C1QTNF3: variants seen among roughly 807,000 people sequenced by gnomAD.
The protein encoded by C1QTNF3 is complement C1q tumor necrosis factor-related protein 3.
A neutral mutation model predicts 32.6 loss-of-function variants in C1QTNF3; 26 were observed. The ratio of observed to expected loss-of-function variants is 0.80; its 90% CI spans 0.58 to 1.11. The LOEUF (loss-of-function observed/expected upper bound fraction) is 1.11, where lower values mean the gene tolerates loss of function less well. Ranked by LOEUF, C1QTNF3 falls within the 50% of genes least tolerant of loss-of-function variation. C1QTNF3 has a pLI of 0.00. For missense variants in C1QTNF3, 362 were observed against 398.2 expected, an observed-to-expected ratio of 0.91 and a Z score of 0.77; for synonymous variants, 155 against 146.0, an observed-to-expected ratio of 1.06 and a Z score of -0.44.
the C1QTNF3 span, among the ~76,000 whole-genome samples, chr5:34,242,272 A>T: frequency 6.6e-6 from 1 of 152,212 alleles, no homozygotes; most frequent in Admixed American, 6.5e-5. Flanking sequence ...CAGCTATACT[A>T]TAAGTGTACA....
At chr5:34,172,364 A>T in the C1QTNF3 span, among the ~76,000 whole-genome samples, 1 of 140,606 alleles carries the variant, frequency 7.1e-6, no homozygotes, top group Non-Finnish European at 1.5e-5. Context: ...GTTGTTATAC[A>T]CTCACCTATT....
the C1QTNF3 span, among the ~76,000 whole-genome samples, chr5:34,077,246 T>C: frequency 6.6e-6 from 1 of 151,758 alleles, no homozygotes; most frequent in East Asian, 1.9e-4. Context: ...AACATCTGGC[T>C]TCTTATGTAA....
At chr5:34,085,049 G>C in the C1QTNF3 span, among the ~76,000 whole-genome samples, 1,005 of 139,172 alleles carry the variant, frequency 7.2e-3, no homozygotes, top group Non-Finnish European at 0.012. Context: ...GGAGTACAGT[G>C]GTGCAATCTC....
chr5:34,147,770 C>T, the C1QTNF3 span, among the ~76,000 whole-genome samples: 1 of 152,162 alleles, frequency 6.6e-6, no homozygotes, highest in Non-Finnish European at 1.5e-5. Context: ...CATCACACAA[C>T]AGATTCGTGT....
chr5:34,197,136 C>T, the C1QTNF3 span, among the ~76,000 whole-genome samples: 1 of 152,292 alleles, frequency 6.6e-6, no homozygotes, highest in Admixed American at 6.5e-5. Flanking sequence ...GTAAAACGTT[C>T]TTTAAAGAAC....
the C1QTNF3 span, among the ~76,000 whole-genome samples, chr5:34,226,210 C>T: frequency 2.6e-5 from 4 of 151,874 alleles, no homozygotes; most frequent in Non-Finnish European, 5.9e-5. Context: ...AAAAGCATTG[C>T]TCCTTCACCC....
At chr5:34,120,914 C>T in the C1QTNF3 span, among the ~76,000 whole-genome samples, 6 of 152,206 alleles carry the variant, frequency 3.9e-5, no homozygotes, top group Admixed American at 6.5e-5. Flanking sequence ...AATGAATGAG[C>T]ATGTGATTCC....
At chr5:34,177,959 C>G in the C1QTNF3 span, among the ~76,000 whole-genome samples, 1 of 151,952 alleles carries the variant, frequency 6.6e-6, no homozygotes, top group South Asian at 2.1e-4. Flanking sequence ...TAGACCCTCT[C>G]GAGTTTCTTA....
intron 5 of C1QTNF3, among the ~76,000 whole-genome samples, chr5:34,021,664 A>G (rs1305347229): frequency 6.6e-6 from 1 of 152,226 alleles, no homozygotes; most frequent in Non-Finnish European, 1.5e-5. Flanking sequence ...AAACACAGGA[A>G]CAGAAAACCA....
the C1QTNF3 span, among the ~76,000 whole-genome samples, chr5:34,102,360 A>G: frequency 2.0e-5 from 3 of 151,962 alleles, 1 homozygote; most frequent in South Asian, 6.2e-4. Flanking sequence ...TTTTATTTTC[A>G]CTTAGCAAAT....
the C1QTNF3 span, among the ~76,000 whole-genome samples, chr5:34,119,545 A>C: frequency 6.6e-6 from 1 of 152,170 alleles, no homozygotes; most frequent in African/African-American, 2.4e-5. Flanking sequence ...GCATAAAACA[A>C]CACAAACTTA....
chr5:34,023,805 C>A, intron 5 of C1QTNF3, 104 bp downstream of exon 5: 1 of 752,440 alleles, frequency 1.3e-6, no homozygotes, highest in South Asian at 1.7e-5. Flanking sequence ...AGGATAGGGG[C>A]CATGTCAGGC....
chr5:34,054,947 T>C, the C1QTNF3 span, among the ~76,000 whole-genome samples: 7 of 152,184 alleles, frequency 4.6e-5, no homozygotes, highest in Non-Finnish European at 7.3e-5. Context: ...ATGTCAGCAA[T>C]AGAAATCATC....
chr5:34,165,693 T>C, the C1QTNF3 span: 1 of 152,150 alleles, frequency 6.6e-6, no homozygotes, highest in Non-Finnish European at 1.5e-5. Context: ...ACAAAAAATG[T>C]TGGCTTATAA....
At chr5:34,204,913 AAATT>A in the C1QTNF3 span, among the ~76,000 whole-genome samples, 1 of 129,876 alleles carries the variant, frequency 7.7e-6, no homozygotes, top group African/African-American at 2.9e-5. Context: ...TTTTAATTAA[AAATT>A]AATTAAAAGG....
At chr5:34,167,162 T>C in the C1QTNF3 span, 1 of 152,148 alleles carries the variant, frequency 6.6e-6, no homozygotes, top group Admixed American at 6.6e-5. Flanking sequence ...CTTTCCAAGC[T>C]AGCTGCCCAT....
At chr5:34,130,647 C>G in the C1QTNF3 span, among the ~76,000 whole-genome samples, 3 of 152,178 alleles carry the variant, frequency 2.0e-5, no homozygotes, top group African/African-American at 7.2e-5. Context: ...CATCCATGTT[C>G]CTCTCCACCA....
chr5:34,229,815 G>C, the C1QTNF3 span, among the ~76,000 whole-genome samples: 1 of 152,302 alleles, frequency 6.6e-6, no homozygotes, highest in Middle Eastern at 3.4e-3. Flanking sequence ...TTGGCAGTGT[G>C]ATAGTATCTG....
the C1QTNF3 span, among the ~76,000 whole-genome samples, chr5:34,063,548 C>T: frequency 6.6e-6 from 1 of 151,900 alleles, no homozygotes; most frequent in Non-Finnish European, 1.5e-5. Flanking sequence ...TGGGTAGAAA[C>T]TGGGGGAGGA....
Sources: allele counts gnomAD v4.1 joint callset (sites outside exome capture counted in the v4.1 genomes callset), GRCh38; gene constraint gnomAD v4.1.1; transcripts MANE v1.5; gene names NCBI Gene and HGNC (gene_info 2026-07-23, HGNC 2026-07-21).